WDR27: variants seen among roughly 807,000 people sequenced by gnomAD.
WDR27 encodes the protein WD repeat-containing protein 27.
Under a neutral mutation model 114.4 loss-of-function variants are expected in WDR27, and 100 were observed. The ratio of observed to expected loss-of-function variants is 0.87; its 90% CI spans 0.74 to 1.03. The LOEUF (loss-of-function observed/expected upper bound fraction) is 1.03. WDR27 is among the 50% of genes least tolerant of loss of function. The pLI, the probability that WDR27 is intolerant of heterozygous loss-of-function variation, is 0.00. For missense variants in WDR27, 1,129 were observed against 1,092.9 expected (o/e 1.03, Z -0.47); for synonymous variants, 449 against 423.1 (o/e 1.06, Z -0.75).
chr6:169,591,227 CT>C (rs1266093293), intron 23 of WDR27, among the ~76,000 whole-genome samples: 3 of 152,064 alleles, frequency 2.0e-5, no homozygotes, highest in African/African-American at 7.2e-5. Flanking sequence ...GATGTGAGCC[CT>C]TTTTTCCTGT....
chr6:169,633,712 T>A (rs1005921184), intron 20 of WDR27, among the ~76,000 whole-genome samples: 1 of 152,356 alleles, frequency 6.6e-6, no homozygotes. Context: ...GGTGTTAGCG[T>A]TGGATTACTC....
intron 21 of WDR27, among the ~76,000 whole-genome samples, chr6:169,631,011 T>C (rs1317610187): frequency 2.6e-5 from 4 of 152,266 alleles, no homozygotes; most frequent in Admixed American, 6.5e-5. Context: ...TATCAGATCA[T>C]GGCTCTCAAA....
chr6:169,689,756 T>C (rs995603978), intron 1 of WDR27, among the ~76,000 whole-genome samples: 9 of 152,338 alleles, frequency 5.9e-5, no homozygotes, highest in East Asian at 1.9e-4. Context: ...AGGCCGGCAA[T>C]AGATGCACCT....
intron 25 of WDR27, among the ~76,000 whole-genome samples, chr6:169,509,295 G>A (rs1188917709): frequency 6.6e-6 from 1 of 152,050 alleles, no homozygotes; most frequent in Non-Finnish European, 1.5e-5. Context: ...AGTTCATATG[G>A]AACCAAAAAA....
Position 169,647,763 on chromosome 6 carries a change from C to T in WDR27, c.1657+10G>A, listed in dbSNP as rs1439302295. 2.6e-6 allele frequency: 4 copies of T among 1,567,434 alleles called. No individual in the cohort carries two copies. Among genetic ancestry groups the T allele is most frequent in the Admixed American group, 1.9e-5 (1 of 53,340 alleles). ...GAAATGCTACCCAGCTCCCGCAGGA[C>T]GTGGCGCACCTGAGTACTGGATGCA... On this transcript the variant is annotated intron_variant, in intron 16 of 25. Coordinates refer to ENST00000448612, the MANE Select transcript of WDR27 (RefSeq NM_182552.5).
the WDR27 span, among the ~76,000 whole-genome samples, chr6:169,428,991 G>A: frequency 6.8e-4 from 104 of 152,220 alleles, no homozygotes; most frequent in Middle Eastern, 3.4e-3. Context: ...AGACACAGGC[G>A]TCCCAGACAA....
intron 25 of WDR27, among the ~76,000 whole-genome samples, chr6:169,495,481 T>C (rs1356968777): frequency 6.7e-6 from 1 of 150,146 alleles, no homozygotes; most frequent in Non-Finnish European, 1.5e-5. Flanking sequence ...ATATAAACCA[T>C]TGGAAAAATC....
chr6:169,598,991 CT>C (rs201894397), intron 23 of WDR27, among the ~76,000 whole-genome samples: 6,324 of 151,764 alleles, frequency 0.042, 162 homozygotes, highest in Non-Finnish European at 0.064. Context: ...GAAGTTATTT[CT>C]TTTTTTTTAT....
chr6:169,489,739 T>G (rs1720396754), intron 25 of WDR27, among the ~76,000 whole-genome samples: 1 of 152,184 alleles, frequency 6.6e-6, no homozygotes, highest in South Asian at 2.1e-4. Context: ...ATTTCTGAAA[T>G]CCCTCCAGAT....
chr6:169,445,473 A>G, the WDR27 span, among the ~76,000 whole-genome samples: 1 of 152,200 alleles, frequency 6.6e-6, no homozygotes, highest in Non-Finnish European at 1.5e-5. Context: ...CCCAGCTGTA[A>G]AACAGAATTA....
chr6:169,670,852 C>G (rs1201740320), intron 3 of WDR27, 159 bp from the exon 4 acceptor site: 12 of 1,019,638 alleles, frequency 1.2e-5, no homozygotes, highest in African/African-American at 1.6e-5. Flanking sequence ...ATCAAAAATA[C>G]TGGATATACA....
intron 13 of WDR27, chr6:169,658,032 G>A (rs1000320538): frequency 4.9e-6 from 2 of 411,454 alleles, no homozygotes; most frequent in African/African-American, 4.0e-5. Flanking sequence ...ACAGCGGTCA[G>A]TCTTGGGCAC....
chr6:169,532,389 T>C (rs1158481746), intron 25 of WDR27, among the ~76,000 whole-genome samples: 2 of 152,140 alleles, frequency 1.3e-5, no homozygotes, highest in African/African-American at 4.8e-5. Flanking sequence ...TTATTTCTAA[T>C]TGCAAAAAAG....
chr6:169,480,070 G>T (rs1787746192), intron 25 of WDR27, among the ~76,000 whole-genome samples: 1 of 152,190 alleles, frequency 6.6e-6, no homozygotes, highest in South Asian at 2.1e-4. Flanking sequence ...GGCTGTGCAT[G>T]GCGCTCGCGG....
In WDR27 at chr6:169,658,264, C is replaced by T. The variant is rs1467862509; in HGVS notation, c.1402+12G>A. 1.3e-6 allele frequency: 2 copies of T among 1,590,108 alleles called. No individual in the cohort carries two copies. Among genetic ancestry groups the T allele is most frequent in the Admixed American group, 3.5e-5 (2 of 57,026 alleles). ...CCTTGTATTCTTAGATCTCACAGCA[C>T]CCTGTACTGACCACGTCGCTGTTCA... On this transcript the variant is annotated intron_variant, in intron 13 of 25. Coordinates refer to ENST00000448612, the MANE Select transcript of WDR27 (RefSeq NM_182552.5).
At chr6:169,581,890 C>T (rs577553900) in intron 24 of WDR27, among the ~76,000 whole-genome samples, 3 of 152,302 alleles carry the variant, frequency 2.0e-5, no homozygotes, top group South Asian at 2.1e-4. Context: ...CACACAGTGA[C>T]GCTATTCTCT....
intron 21 of WDR27, among the ~76,000 whole-genome samples, chr6:169,630,702 C>T (rs1195048156): frequency 2.6e-5 from 4 of 151,936 alleles, no homozygotes; most frequent in African/African-American, 4.8e-5. Flanking sequence ...GAGACTAGCC[C>T]GGCCAACATG....
chr6:169,489,080 G>A (rs1397111635), intron 25 of WDR27, among the ~76,000 whole-genome samples: 2 of 151,704 alleles, frequency 1.3e-5, no homozygotes, highest in Non-Finnish European at 2.9e-5. Flanking sequence ...ATCTAGTTTG[G>A]TGCTTTTACT....
At chr6:169,645,023 T>TAAAAAAAAAA (rs776362942) in intron 16 of WDR27, among the ~76,000 whole-genome samples, 8 of 46,932 alleles carry the variant, frequency 1.7e-4, no homozygotes, top group Non-Finnish European at 2.7e-4. Flanking sequence ...AAAAAAAAAA[T>TAAAAAAAAAA]AAAAAAAAAA....
Sources: allele counts gnomAD v4.1 joint callset (sites outside exome capture counted in the v4.1 genomes callset), GRCh38; gene constraint gnomAD v4.1.1; transcripts MANE v1.5; gene names NCBI Gene and HGNC (gene_info 2026-07-23, HGNC 2026-07-21).